Variants in RGPD2 observed in about 807,000 individuals in gnomAD.
RGPD2 encodes the protein RANBP2-like and GRIP domain-containing protein 2.
Under a neutral mutation model 36.0 loss-of-function variants are expected in RGPD2, and 2 were observed. The ratio of observed to expected loss-of-function variants is 0.06; its 90% CI spans 0.02 to 0.17. RGPD2 has a LOEUF of 0.17. Among genes scored for constraint, RGPD2 ranks in the 10% least tolerant of loss-of-function variants. The pLI, the probability that RGPD2 is intolerant of heterozygous loss-of-function variation, is 1.00. For missense variants in RGPD2, 40 were observed against 464.3 expected (o/e 0.09, Z 8.40); for synonymous variants, 19 against 163.8 (o/e 0.12, Z 6.75).
rs1258472638 is a variant in RGPD2, at chr2:87,825,788, G to C, written c.-59C>G. On this transcript the variant is annotated 5_prime_UTR_variant, in exon 1 of 23. Coordinates refer to ENST00000398146, the MANE Select transcript of RGPD2 (RefSeq NM_001078170.3). ...ACCAGCGCTCAGCCCCGCAGCAGTC[G>C]CCAATTCCAACAGGAAAGCGCCTGA... 8.7e-6 allele frequency: 13 copies of C among 1,502,174 alleles called. No homozygotes were observed. Among genetic ancestry groups the C allele is most frequent in the African/African-American group, 1.4e-5 (1 of 70,940 alleles). 93.1% of individuals were successfully genotyped at this position (1,502,174 alleles called of 1,614,324 possible).
chr2:87,984,757 C>T, the RGPD2 span, among the ~76,000 whole-genome samples: 1 of 149,590 alleles, frequency 6.7e-6, no homozygotes, highest in African/African-American at 2.5e-5. Flanking sequence ...GGTGAAACCC[C>T]ATCTCTACTA....
the RGPD2 span, among the ~76,000 whole-genome samples, chr2:87,940,632 T>TGTG: frequency 1.5e-5 from 2 of 130,858 alleles, no homozygotes; most frequent in South Asian, 4.9e-4. Context: ...AATTTTCTGT[T>TGTG]TGTGTGTGTG....
At position 87,756,346 on chromosome 2, in the gene RGPD2, G is replaced by C. The variant is rs1352204865; in HGVS notation, c.*1046C>G. Reference sequence around the variant, plus strand: ...TCACTGGGAGCCTGAAGAAATAGAAGTGGGTTGGATCTCTTTCAGCCTCGG... The same window carrying C: ...TCACTGGGAGCCTGAAGAAATAGAACTGGGTTGGATCTCTTTCAGCCTCGG... On this transcript the variant is annotated 3_prime_UTR_variant, in exon 23 of 23. Transcript: ENST00000398146. 7.8e-6 allele frequency: 1 copy of C among 128,226 alleles called. No individual in the cohort carries two copies. Among genetic ancestry groups the C allele is most frequent in the Non-Finnish European group, 1.7e-5 (1 of 58,896 alleles). 7.9% of individuals were successfully genotyped at this position (128,226 alleles called of 1,614,324 possible).
At chr2:87,931,865 T>A in the RGPD2 span, among the ~76,000 whole-genome samples, 1 of 130,402 alleles carries the variant, frequency 7.7e-6, no homozygotes, top group African/African-American at 2.9e-5. Flanking sequence ...TCTTTCCTTT[T>A]TGAATTACCC....
upstream of RGPD2, among the ~76,000 whole-genome samples, chr2:87,827,186 G>A (rs1225810404): frequency 6.6e-6 from 1 of 152,184 alleles, no homozygotes; most frequent in Non-Finnish European, 1.5e-5. Flanking sequence ...ATGTGTGTAT[G>A]CGTGTGCATG....
intron 22 of RGPD2, chr2:87,771,397 T>TTG (rs1553425288): frequency 5.7e-5 from 1 of 17,620 alleles, no homozygotes; most frequent in Non-Finnish European, 1.1e-4. Flanking sequence ...TTTTTTTTTT[T>TTG]TTTTTTTTTT....
the RGPD2 span, among the ~76,000 whole-genome samples, chr2:87,890,465 TG>T: frequency 1.3e-5 from 2 of 149,114 alleles, no homozygotes; most frequent in Non-Finnish European, 3.0e-5. Flanking sequence ...GAACACAATA[TG>T]GTAATTTCTT....
chr2:87,881,426 A>G, the RGPD2 span, among the ~76,000 whole-genome samples: 3 of 152,078 alleles, frequency 2.0e-5, no homozygotes, highest in East Asian at 1.9e-4. Flanking sequence ...TTTCCTGGGG[A>G]CCCAGGCTTT....
chr2:87,760,897 G>A (rs549803839), intron 22 of RGPD2, among the ~76,000 whole-genome samples: 28 of 150,232 alleles, frequency 1.9e-4, no homozygotes, highest in Middle Eastern at 3.4e-3. Flanking sequence ...CATTATAGGC[G>A]TAAGCCACCA....
chr2:87,919,088 T>C, the RGPD2 span, among the ~76,000 whole-genome samples: 1 of 150,396 alleles, frequency 6.6e-6, no homozygotes, highest in Non-Finnish European at 1.5e-5. Context: ...GCAAGGGTGG[T>C]GGCAGTTACC....
chr2:87,832,279 T>C, the RGPD2 span, among the ~76,000 whole-genome samples: 6 of 149,638 alleles, frequency 4.0e-5, no homozygotes, highest in Non-Finnish European at 7.4e-5. Flanking sequence ...GCAAAATGGT[T>C]GACTTGAACC....
the RGPD2 span, among the ~76,000 whole-genome samples, chr2:87,884,497 G>C: frequency 6.6e-6 from 1 of 151,926 alleles, no homozygotes; most frequent in Non-Finnish European, 1.5e-5. Context: ...GAAATAAAGA[G>C]AATAAGAGTT....
the RGPD2 span, among the ~76,000 whole-genome samples, chr2:87,941,144 A>T: frequency 6.6e-6 from 1 of 151,348 alleles, no homozygotes; most frequent in African/African-American, 2.4e-5. Flanking sequence ...GATACCGGAA[A>T]ATTGGTTATT....
chr2:87,960,182 A>G, the RGPD2 span, among the ~76,000 whole-genome samples: 4 of 152,022 alleles, frequency 2.6e-5, no homozygotes, highest in African/African-American at 9.7e-5. Context: ...TAACCATTCA[A>G]TAGAATCAGA....
chr2:87,843,075 G>C, the RGPD2 span, among the ~76,000 whole-genome samples: 2 of 151,866 alleles, frequency 1.3e-5, no homozygotes, highest in East Asian at 1.9e-4. Context: ...ATGGATTAAA[G>C]ACTTAAACGT....
chr2:87,966,145 T>A, the RGPD2 span, among the ~76,000 whole-genome samples: 1 of 152,082 alleles, frequency 6.6e-6, no homozygotes, highest in South Asian at 2.1e-4. Flanking sequence ...CAATCTAAAG[T>A]GACTTCCAGT....
At chr2:87,923,500 A>C in the RGPD2 span, among the ~76,000 whole-genome samples, 1 of 152,218 alleles carries the variant, frequency 6.6e-6, no homozygotes, top group African/African-American at 2.4e-5. Context: ...TAGTATTCTC[A>C]AGCAATTGTT....
intron 6 of RGPD2, among the ~76,000 whole-genome samples, chr2:87,809,684 C>T (rs1383137337): frequency 1.3e-5 from 2 of 150,386 alleles, no homozygotes; most frequent in Non-Finnish European, 3.0e-5. Context: ...CTAAGCCACA[C>T]TGTGAAACTG....
the RGPD2 span, among the ~76,000 whole-genome samples, chr2:87,907,466 ATTGTGGGTATGAAATAGG>A: frequency 2.3e-4 from 1 of 4,370 alleles, no homozygotes; most frequent in East Asian, 0.015. Flanking sequence ...AAAAAAAAGA[ATTGTGGGTATGAAATAGG>A]AAACAAGCAG....
Sources: gnomAD v4.1 joint callset for allele counts (sites outside exome capture counted in the v4.1 genomes callset) on GRCh38, gnomAD v4.1.1 for gene constraint, MANE v1.5 for transcripts, NCBI Gene and HGNC (gene_info 2026-07-23, HGNC 2026-07-21) for gene names.